Variants in EYS observed in about 807,000 individuals in gnomAD.
The protein encoded by EYS is protein eyes shut homolog.
Under a neutral mutation model 282.1 loss-of-function variants are expected in EYS, and 250 were observed. The ratio of observed to expected loss-of-function variants is 0.89; its 90% CI spans 0.80 to 0.98. The LOEUF (loss-of-function observed/expected upper bound fraction) is 0.98. EYS is among the 50% of genes least tolerant of loss of function. The pLI is 0.00. For synonymous variants in EYS, 1,355 were observed against 1,282.9 expected, an observed-to-expected ratio of 1.06 and a Z score of -1.20; for missense variants, 4,016 against 3,709.0, an observed-to-expected ratio of 1.08 and a Z score of -2.15.
At chr6:64,707,638 C>T (rs1268181096) in intron 22 of EYS, among the ~76,000 whole-genome samples, 1 of 139,436 alleles carries the variant, frequency 7.2e-6, no homozygotes, top group Non-Finnish European at 1.5e-5. Flanking sequence ...GCACTCCAGC[C>T]GGGGCGACAG....
At chr6:65,553,228 G>A (rs1439592512) in intron 2 of EYS, among the ~76,000 whole-genome samples, 4 of 152,128 alleles carry the variant, frequency 2.6e-5, no homozygotes, top group Non-Finnish European at 5.9e-5. Context: ...ATCTGAAACA[G>A]CATATTGTAA....
intron 26 of EYS, among the ~76,000 whole-genome samples, chr6:64,452,324 G>A (rs1343010832): frequency 5.3e-5 from 8 of 152,074 alleles, no homozygotes; most frequent in Admixed American, 5.2e-4. Flanking sequence ...CCTCTTCAAG[G>A]AGAACTACAA....
intron 2 of EYS, among the ~76,000 whole-genome samples, chr6:65,532,736 A>G (rs66608147): frequency 0.21 from 31,581 of 151,998 alleles, 3,684 homozygotes; most frequent in East Asian, 0.31. Flanking sequence ...CCTTTCCCAC[A>G]TTCCCTAGAT....
chr6:65,607,190 A>C (rs1765828813), intron 2 of EYS, among the ~76,000 whole-genome samples: 2 of 151,842 alleles, frequency 1.3e-5, no homozygotes, highest in Admixed American at 1.3e-4. Context: ...AGTGATATTC[A>C]AACTTGCCTC....
chr6:65,327,768 A>G (rs1176699653), intron 11 of EYS, among the ~76,000 whole-genome samples: 1 of 151,606 alleles, frequency 6.6e-6, no homozygotes, highest in Non-Finnish European at 1.5e-5. Context: ...CTGAACTAGA[A>G]GATACATTGA....
intron 35 of EYS, among the ~76,000 whole-genome samples, chr6:63,895,828 C>T (rs959403854): frequency 2.0e-5 from 3 of 151,778 alleles, no homozygotes; most frequent in African/African-American, 7.3e-5. Flanking sequence ...ACTCTTCCTC[C>T]GCTTAATACA....
chr6:65,445,150 T>A (rs1278292421), intron 5 of EYS, among the ~76,000 whole-genome samples: 2 of 151,976 alleles, frequency 1.3e-5, no homozygotes, highest in African/African-American at 4.8e-5. Context: ...TTTTGATAAT[T>A]ATTTTTATGG....
At chr6:65,368,591 G>A (rs887042970) in intron 8 of EYS, among the ~76,000 whole-genome samples, 9 of 151,614 alleles carry the variant, frequency 5.9e-5, no homozygotes, top group Non-Finnish European at 1.3e-4. Context: ...TGCTTCTTAC[G>A]TTATTTGAAA....
Position 65,472,216 on chromosome 6 carries a change from A to T in EYS, c.862+18378T>A, listed in dbSNP as rs556669901. Among the ~76,000 whole-genome samples the T allele has an allele frequency of 2.2e-4, 34 of 152,230 alleles. No individual in the cohort carries two copies. The South Asian group carries it at 6.6e-3, about 30-fold the overall frequency. ...AAAGAAGTGTGTACCAATGTTGAAGATGAAATGTAATTATAACAAAATATT... is the reference window on the plus strand; with the variant it reads ...AAAGAAGTGTGTACCAATGTTGAAGTTGAAATGTAATTATAACAAAATATT... On this transcript the variant is annotated intron_variant, in intron 5 of 42. Coordinates refer to ENST00000503581, the MANE Select transcript of EYS (RefSeq NM_001142800.2).
intron 32 of EYS, among the ~76,000 whole-genome samples, chr6:64,073,681 G>A (rs1771668639): frequency 6.6e-6 from 1 of 151,694 alleles, no homozygotes; most frequent in South Asian, 2.1e-4. Context: ...CTTATGGATT[G>A]AGTAATCCAT....
intron 20 of EYS, 24 bp from the exon 21 acceptor site, chr6:64,821,747 A>G: frequency 7.6e-7 from 1 of 1,310,210 alleles, no homozygotes; most frequent in Non-Finnish European, 1.1e-6. Flanking sequence ...TTAGAATTAC[A>G]TTTTCAAATA....
intron 5 of EYS, among the ~76,000 whole-genome samples, chr6:65,417,357 T>A (rs1332373563): frequency 6.6e-6 from 1 of 152,050 alleles, no homozygotes; most frequent in Non-Finnish European, 1.5e-5. Context: ...TTAATTCAGT[T>A]TTGGCCATGC....
intron 36 of EYS, chr6:63,857,475 C>T: frequency 9.4e-6 from 2 of 212,246 alleles, no homozygotes; most frequent in Non-Finnish European, 9.8e-6. Flanking sequence ...CAGAGGATTC[C>T]CTGAAGTGCC....
intron 29 of EYS, among the ~76,000 whole-genome samples, chr6:64,338,667 C>T (rs1466924589): frequency 6.6e-6 from 1 of 151,862 alleles, no homozygotes; most frequent in East Asian, 1.9e-4. Flanking sequence ...AAAGAGCCCA[C>T]ATAGCCAAAG....
chr6:64,942,879 C>T lies in EYS; in HGVS notation c.2381+2914G>A, dbSNP rs1287147740. On this transcript the variant is annotated intron_variant, in intron 15 of 42. Coordinates refer to ENST00000503581, the MANE Select transcript of EYS (RefSeq NM_001142800.2). Reference sequence around the variant, plus strand: ...GTCGAAGGAACTCCTCCCTAATTCACTCTATGAACCAGTATTATCGAGATA... The same window carrying T: ...GTCGAAGGAACTCCTCCCTAATTCATTCTATGAACCAGTATTATCGAGATA... Among the ~76,000 whole-genome samples the T allele has an allele frequency of 4.0e-5, 6 of 148,584 alleles. No individual in the cohort carries two copies. The East Asian group carries it at 1.2e-3, about 29-fold the overall frequency.
chr6:65,401,681 ATAGAT>A (rs1453975249), intron 7 of EYS, among the ~76,000 whole-genome samples: 1 of 151,916 alleles, frequency 6.6e-6, no homozygotes, highest in Non-Finnish European at 1.5e-5. Context: ...TTCCTTTGAA[ATAGAT>A]TAAAGTATCA....
chr6:64,165,011 T>C (rs111556914), intron 31 of EYS, among the ~76,000 whole-genome samples: 6,449 of 152,182 alleles, frequency 0.042, 407 homozygotes, highest in African/African-American at 0.14. Context: ...AAATAAAATA[T>C]GATATGCCCA....
At chr6:65,653,460 C>A (rs753523501) in intron 1 of EYS, among the ~76,000 whole-genome samples, 6 of 151,920 alleles carry the variant, frequency 3.9e-5, no homozygotes, top group Non-Finnish European at 8.8e-5. Context: ...TTCAGAGCCC[C>A]ATTAGGATAC....
At chr6:63,902,612 A>G (rs1257464432) in intron 35 of EYS, among the ~76,000 whole-genome samples, 1 of 152,190 alleles carries the variant, frequency 6.6e-6, no homozygotes, top group Admixed American at 6.5e-5. Flanking sequence ...GAAAAAAGCT[A>G]TAAAAGAGAA....
Sources: gnomAD v4.1 joint callset for allele counts (sites outside exome capture counted in the v4.1 genomes callset) on GRCh38, gnomAD v4.1.1 for gene constraint, MANE v1.5 for transcripts, NCBI Gene and HGNC (gene_info 2026-07-23, HGNC 2026-07-21) for gene names.